Variants in TRHDE observed in about 807,000 individuals in gnomAD.
TRHDE encodes the protein thyrotropin-releasing hormone-degrading ectoenzyme.
In TRHDE, 72 loss-of-function variants were observed where a neutral mutation model predicts 125.7. The observed-to-expected ratio is 0.57, with a 90% CI of 0.47 to 0.70. The LOEUF (loss-of-function observed/expected upper bound fraction) is 0.70. Among genes scored for constraint, TRHDE ranks in the 30% least tolerant of loss-of-function variants. The probability of loss-of-function intolerance (pLI) is 0.00; values close to 1 mark genes in which losing one functional copy is unlikely to be tolerated. For synonymous variants in TRHDE, 509 were observed against 509.1 expected (o/e 1.00, Z 0.00); for missense variants, 1,110 against 1,327.1 (o/e 0.84, Z 2.54).
At chr12:72,612,588 C>G (rs529779961) in intron 12 of TRHDE, among the ~76,000 whole-genome samples, 2 of 152,222 alleles carry the variant, frequency 1.3e-5, no homozygotes, top group African/African-American at 4.8e-5. Context: ...TAGCTTCTTT[C>G]TCTCAAAATA....
chr12:72,400,579 C>G (rs1488358730), intron 3 of TRHDE, among the ~76,000 whole-genome samples: 2 of 152,100 alleles, frequency 1.3e-5, no homozygotes, highest in Non-Finnish European at 2.9e-5. Context: ...TGCAGAGATA[C>G]TGGCAGAAAT....
intron 6 of TRHDE, among the ~76,000 whole-genome samples, chr12:72,540,354 C>T (rs922322323): frequency 4.6e-5 from 7 of 151,668 alleles, no homozygotes; most frequent in South Asian, 4.1e-4. Context: ...TCTAGTTTTT[C>T]CTTCCTGTTA....
chr12:72,396,250 C>T (rs1163858422), intron 3 of TRHDE, among the ~76,000 whole-genome samples: 3 of 152,128 alleles, frequency 2.0e-5, no homozygotes, highest in African/African-American at 7.2e-5. Flanking sequence ...GCTATGGTTT[C>T]TCTGTTACTG....
intron 2 of TRHDE, among the ~76,000 whole-genome samples, chr12:72,377,650 G>A (rs960743887): frequency 3.3e-5 from 5 of 152,052 alleles, no homozygotes; most frequent in African/African-American, 1.2e-4. Flanking sequence ...CCTACTTTCA[G>A]CATAGTCAGG....
At chr12:72,606,718 C>T (rs988259071) in intron 12 of TRHDE, among the ~76,000 whole-genome samples, 3 of 152,056 alleles carry the variant, frequency 2.0e-5, no homozygotes, top group African/African-American at 7.2e-5. Context: ...TGAAGAATTT[C>T]AAATATGCAC....
At chr12:72,449,256 A>G (rs192820498) in intron 3 of TRHDE, among the ~76,000 whole-genome samples, 18 of 152,206 alleles carry the variant, frequency 1.2e-4, no homozygotes, top group African/African-American at 4.3e-4. Context: ...ATTGGCAGTA[A>G]AGCAAAGAAA....
At chr12:72,328,115 C>T (rs1364605268) in intron 2 of TRHDE, among the ~76,000 whole-genome samples, 5 of 152,138 alleles carry the variant, frequency 3.3e-5, no homozygotes, top group Non-Finnish European at 2.9e-5. Context: ...TTATATCCAT[C>T]AAAGCCAAAA....
chr12:72,164,270 T>G (rs1194284975), intron 2 of TRHDE, among the ~76,000 whole-genome samples: 1 of 152,210 alleles, frequency 6.6e-6, no homozygotes, highest in African/African-American at 2.4e-5. Flanking sequence ...GGATGTAGAA[T>G]TTTATGTAAT....
At chr12:72,627,811 T>C (rs1456021414) in intron 15 of TRHDE, among the ~76,000 whole-genome samples, 1 of 151,262 alleles carries the variant, frequency 6.6e-6, no homozygotes, top group African/African-American at 2.4e-5. Flanking sequence ...TCCCAATATA[T>C]CTAGGCCTAC....
At chr12:72,572,736 A>C (rs1013191618) in intron 10 of TRHDE, among the ~76,000 whole-genome samples, 2 of 152,044 alleles carry the variant, frequency 1.3e-5, no homozygotes, top group African/African-American at 4.8e-5. Context: ...ATGGTGTAGA[A>C]GGTACAGCAA....
intron 6 of TRHDE, among the ~76,000 whole-genome samples, chr12:72,528,382 TA>T (rs1188809669): frequency 6.6e-6 from 1 of 152,228 alleles, no homozygotes; most frequent in Non-Finnish European, 1.5e-5. Flanking sequence ...ACAAGAATAC[TA>T]TTTGTTGCCT....
At chr12:72,219,306 C>A (rs1386887699) in intron 2 of TRHDE, among the ~76,000 whole-genome samples, 6 of 152,040 alleles carry the variant, frequency 3.9e-5, no homozygotes, top group African/African-American at 1.4e-4. Flanking sequence ...AAGTTTTGGA[C>A]TCATTCATCT....
At chr12:72,652,936 T>G in intron 16 of TRHDE, 80 bp from the exon 17 acceptor site, 1 of 1,190,734 alleles carries the variant, frequency 8.4e-7, no homozygotes, top group Non-Finnish European at 1.2e-6. Context: ...TATGACAAAC[T>G]AGGTCCTATA....
In TRHDE at chr12:72,308,579, A is replaced by C. The variant is rs374389708; in HGVS notation, c.1188+21625A>C. On this transcript the variant is annotated intron_variant, in intron 2 of 18. Coordinates refer to ENST00000261180, the MANE Select transcript of TRHDE (RefSeq NM_013381.3). ...TTCTTCAATTCTTATCTATTCCTGC[A>C]GTGTATTACCTTGTCAGAAGCTAAC... Among the ~76,000 whole-genome samples the C allele has an allele frequency of 5.9e-5, 9 of 152,300 alleles. No individual in the cohort carries two copies. In the East Asian group the frequency reaches 7.7e-4, roughly 13 times the overall value.
intron 13 of TRHDE, 63 bp from the exon 14 acceptor site, chr12:72,621,045 T>G (rs1180221983): frequency 6.5e-6 from 5 of 769,110 alleles, no homozygotes; most frequent in Non-Finnish European, 2.2e-6. Context: ...TACAGAATTT[T>G]AATTGTCAGC....
At chr12:72,299,678 G>A (rs571414319) in intron 2 of TRHDE, among the ~76,000 whole-genome samples, 3 of 152,282 alleles carry the variant, frequency 2.0e-5, no homozygotes, top group Admixed American at 2.0e-4. Context: ...GTTACAGAGA[G>A]AGGAAAAATT....
At chr12:72,417,741 C>A (rs925780762) in intron 3 of TRHDE, among the ~76,000 whole-genome samples, 114 of 152,000 alleles carry the variant, frequency 7.5e-4, no homozygotes, top group Non-Finnish European at 5.0e-4. Flanking sequence ...ATTTCCTAAC[C>A]AACTAAATAA....
chr12:72,198,124 C>T (rs749848978), intron 2 of TRHDE, among the ~76,000 whole-genome samples: 1 of 151,950 alleles, frequency 6.6e-6, no homozygotes, highest in Non-Finnish European at 1.5e-5. Flanking sequence ...ATTCATTCAT[C>T]TTATAGCATG....
intron 1 of TRHDE, among the ~76,000 whole-genome samples, chr12:72,092,466 C>G (rs570120837): frequency 2.6e-4 from 40 of 152,348 alleles, no homozygotes; most frequent in Admixed American, 5.9e-4. Context: ...CAATCAGGAT[C>G]TAGCTTCTCT....
Sources: allele counts gnomAD v4.1 joint callset (sites outside exome capture counted in the v4.1 genomes callset), GRCh38; gene constraint gnomAD v4.1.1; transcripts MANE v1.5; gene names NCBI Gene and HGNC (gene_info 2026-07-23, HGNC 2026-07-21).